Variants in CNGA3 observed in about 807,000 individuals in gnomAD.
CNGA3 encodes cyclic nucleotide-gated channel alpha-3.
In CNGA3, 42 loss-of-function variants were observed where a neutral mutation model predicts 46.6. The observed-to-expected ratio is 0.90, with a 90% CI of 0.70 to 1.17. CNGA3 has a LOEUF of 1.17. CNGA3 is among the 50% of genes most tolerant of loss of function. The pLI is 0.00. For synonymous variants in CNGA3, 394 were observed against 369.4 expected, an observed-to-expected ratio of 1.07 and a Z score of -0.76; for missense variants, 893 against 890.7, an observed-to-expected ratio of 1.00 and a Z score of -0.03.
chr2:98,371,678 C>T (rs768621304), intron 2 of CNGA3, among the ~76,000 whole-genome samples: 16 of 152,328 alleles, frequency 1.1e-4, no homozygotes, highest in East Asian at 1.9e-4. Flanking sequence ...TCAATGCCTG[C>T]GTCGCACCAC....
chr2:98,397,105 A>T lies in CNGA3; in HGVS notation c.1935A>T (p.Ala645=). ...SSLDTLQTRF[A]RLLAEYNATQ... ...TGGACACCCTGCAGACCAGGTTTGC[A>T]CGCCTCCTGGCTGAGTACAACGCCA... is the stretch of plus-strand genomic sequence containing the variant. Residue 645 remains alanine, a synonymous_variant, in exon 8 of 8, where the codon GCA becomes GCT. Coordinates refer to ENST00000272602, the MANE Select transcript of CNGA3 (RefSeq NM_001298.3). 6.2e-7 allele frequency: 1 copy of T among 1,614,196 alleles called. No homozygotes were observed. Among genetic ancestry groups the T allele is most frequent in the Non-Finnish European group, 8.5e-7 (1 of 1,180,026 alleles).
At chr2:98,377,841 A>G (rs1692444074) in intron 3 of CNGA3, 41 bp downstream of exon 3, 1 of 1,550,058 alleles carries the variant, frequency 6.5e-7, no homozygotes, top group Non-Finnish European at 8.8e-7. Context: ...CCTGGGGGAC[A>G]CTGTTGCAGA....
At chr2:98,367,147 G>A (rs1692172461) in intron 1 of CNGA3, among the ~76,000 whole-genome samples, 1 of 146,682 alleles carries the variant, frequency 6.8e-6, no homozygotes, top group Admixed American at 6.9e-5. Flanking sequence ...TCTCCTTGGT[G>A]AGAACCTCTG....
chr2:98,359,222 T>A (rs1243833399), intron 1 of CNGA3, among the ~76,000 whole-genome samples: 1 of 152,192 alleles, frequency 6.6e-6, no homozygotes, highest in Non-Finnish European at 1.5e-5. Flanking sequence ...GGCTCCTGCT[T>A]CTATTGGTCC....
rs1692947794 is a variant in CNGA3 at position 98,397,385 on chromosome 2, T to C, written c.*130T>C. ...ACTCACCCTTTGAAAGCTGTGTGAC[T>C]GCCTGAGAGAACCTGTTTCTTCACC... is the stretch of plus-strand genomic sequence containing the variant. On this transcript the variant is annotated 3_prime_UTR_variant, in exon 8 of 8. Coordinates refer to ENST00000272602, the MANE Select transcript of CNGA3 (RefSeq NM_001298.3). 2 of 946,268 alleles carry C rather than the reference T, an allele frequency of 2.1e-6. No individual in the cohort carries two copies. The highest frequency in any genetic ancestry group is 3.3e-5 in the African/African-American group (2 of 61,202). The allele number at this position is 946,268 out of a possible 1,614,324, so 58.6% of individuals were successfully genotyped here.
Position 98,369,996 on chromosome 2 carries a change from A to T in CNGA3, c.21A>T (p.Gln7His), listed in dbSNP as rs1454957750. 6.2e-7 allele frequency: 1 copy of T among 1,613,832 alleles called. No individual in the cohort carries two copies. The highest frequency in any genetic ancestry group is 8.5e-7 in the Non-Finnish European group (1 of 1,179,960). The change falls in exon 2 of 8, where the codon CAA (glutamine) becomes CAT (histidine). Residue 7 changes from glutamine to histidine, a missense_variant. Physicochemically the swap from Gln to His is conservative, Grantham distance 24 (BLOSUM62 0). Around this residue, in one of 3 missense-constraint regions of CNGA3, gnomAD observed 333 missense variants for 290.8 expected, o/e 1.15. Coordinates refer to ENST00000272602, the MANE Select transcript of CNGA3 (RefSeq NM_001298.3). MAKINT[Q>H]YSHPSRTHLK... ...AGAAGATGGCCAAGATCAACACCCA[A>T]TACTCCCACCCCTCCAGGACCCACC...
Position 98,397,247 on chromosome 2 carries a change from C to A in CNGA3, c.2077C>A (p.Gln693Lys). ...GGATGCTACAAAAACAGAGGACAAA[C>A]AACAGTGAAAATGCAGCATCTGTCT... ...PGDATKTEDK[Q>K]Q The change falls in exon 8 of 8, where the codon CAA (glutamine) becomes AAA (lysine). Residue 693 changes from glutamine (Q) to lysine (K), a missense_variant. Gln to Lys is a moderately conservative substitution (Grantham distance 53, BLOSUM62 1). This residue lies in a region of CNGA3 where 548 missense variants were observed against 570.8 expected (regional missense o/e 0.96). Coordinates refer to ENST00000272602, the MANE Select transcript of CNGA3 (RefSeq NM_001298.3). 6.2e-7 allele frequency: 1 copy of A among 1,613,690 alleles called. No homozygotes were observed. Among genetic ancestry groups the A allele is most frequent in the Non-Finnish European group, 8.5e-7 (1 of 1,180,004 alleles).
chr2:98,385,677 A>G (rs942649678), intron 5 of CNGA3, among the ~76,000 whole-genome samples: 1 of 152,152 alleles, frequency 6.6e-6, no homozygotes, highest in African/African-American at 2.4e-5. Context: ...GTCCATTCTC[A>G]CATTGCTAGA....
chr2:98,350,170 G>A (rs1466284622), intron 1 of CNGA3, among the ~76,000 whole-genome samples: 1 of 152,162 alleles, frequency 6.6e-6, no homozygotes, highest in Non-Finnish European at 1.5e-5. Context: ...GGGTGACTTT[G>A]AACCAAGGTA....
chr2:98,375,954 G>A (rs1451214479), intron 2 of CNGA3, among the ~76,000 whole-genome samples: 1 of 152,136 alleles, frequency 6.6e-6, no homozygotes, highest in Non-Finnish European at 1.5e-5. Flanking sequence ...TAAAATGTAT[G>A]TGGCTGGCAT....
intron 5 of CNGA3, among the ~76,000 whole-genome samples, chr2:98,383,653 G>A (rs1489267331): frequency 2.0e-5 from 3 of 152,182 alleles, no homozygotes; most frequent in Admixed American, 6.5e-5. Flanking sequence ...TGGGGAAGTC[G>A]TCTGATCTCT....
chr2:98,393,244 G>T (rs555698876), intron 7 of CNGA3, among the ~76,000 whole-genome samples: 4 of 152,132 alleles, frequency 2.6e-5, no homozygotes, highest in East Asian at 1.9e-4. Context: ...AAAAAAAAAT[G>T]ATAAAATAAT....
intron 1 of CNGA3, among the ~76,000 whole-genome samples, chr2:98,352,879 T>C (rs910789983): frequency 6.6e-6 from 1 of 152,178 alleles, no homozygotes; most frequent in Non-Finnish European, 1.5e-5. Flanking sequence ...CCTCTAATTC[T>C]TTATAATAAA....
chr2:98,376,408 G>A (rs1692406630), intron 2 of CNGA3, among the ~76,000 whole-genome samples: 1 of 152,128 alleles, frequency 6.6e-6, no homozygotes, highest in Non-Finnish European at 1.5e-5. Flanking sequence ...GGTCATGGAA[G>A]GTAGAAGACG....
At chr2:98,353,404 C>T (rs1003270429) in intron 1 of CNGA3, among the ~76,000 whole-genome samples, 2 of 152,154 alleles carry the variant, frequency 1.3e-5, no homozygotes, top group Admixed American at 6.5e-5. Flanking sequence ...TGAGAGGACA[C>T]TCAAGTATAA....
At position 98,397,207 on chromosome 2, in the gene CNGA3, T is replaced by C. The variant is rs1462303662; in HGVS notation, c.2037T>C (p.Asp679=). ...GTGGTGGGGACAAGCCCCTGGCTGA[T>C]GGGGAAGTTCCCGGGGATGCTACAA... The part of the protein sequence containing the change: ...VKGGGDKPLA[D]GEVPGDATKT... Residue 679 remains aspartate, a synonymous_variant, in exon 8 of 8, where the codon GAT becomes GAC. Transcript: ENST00000272602. 1 of 1,614,050 alleles carries C rather than the reference T, an allele frequency of 6.2e-7. No individual in the cohort carries two copies. The highest frequency in any genetic ancestry group is 8.5e-7 in the Non-Finnish European group (1 of 1,180,022).
intron 1 of CNGA3, among the ~76,000 whole-genome samples, chr2:98,366,477 T>A (rs551597905): frequency 6.6e-6 from 1 of 152,262 alleles, no homozygotes; most frequent in Admixed American, 6.5e-5. Flanking sequence ...GACTGCCCGA[T>A]TCCTTAAAGC....
At position 98,396,695 on chromosome 2, in the gene CNGA3, A is replaced by G. The variant is rs1692925549; in HGVS notation, c.1525A>G (p.Ile509Val). The G allele has an allele frequency of 6.2e-7, 1 of 1,614,132 alleles. No homozygotes were observed. Among genetic ancestry groups the G allele is most frequent in the African/African-American group, 1.3e-5 (1 of 75,040 alleles). ...CACTGTGTTCAGCCCTGGGGATTAT[A>G]TCTGCAAGAAGGGAGATATTGGGAA... ...RPTVFSPGDY[I>V]CKKGDIGKEM... Residue 509 changes from isoleucine to valine, a missense_variant, in exon 8 of 8, where the codon ATC (isoleucine) becomes GTC (valine). Transcript: ENST00000272602.
chr2:98,389,820 G>A lies in CNGA3; in HGVS notation c.566+46G>A, dbSNP rs565537779. ...GTGCAGCGGAAAGGGGGAAACCAGG[G>A]CACCAGGCCCAGGAGCCAGAGCTCC... On this transcript the variant is annotated intron_variant, in intron 6 of 7. Transcript: ENST00000272602. The A allele has an allele frequency of 3.3e-6, 5 of 1,520,372 alleles. No individual in the cohort carries two copies. In the African/African-American group the frequency reaches 4.1e-5, roughly 12 times the overall value. The allele number at this position is 1,520,372 out of a possible 1,614,324, so 94.2% of individuals were successfully genotyped here.
Sources: gnomAD v4.1 joint callset for allele counts (sites outside exome capture counted in the v4.1 genomes callset) on GRCh38, gnomAD v4.1.1 for gene constraint, gnomAD v4.1.1 regional missense constraint, MANE v1.5 for transcripts, NCBI Gene and HGNC (gene_info 2026-07-23, HGNC 2026-07-21) for gene names.